The following SH3YL1 variants were observed in gnomAD, a reference collection of about 807,000 sequenced individuals.
The protein encoded by SH3YL1 is SH3 and SYLF domain containing 1, also known as SH3 domain-containing YSC84-like protein 1.
In SH3YL1, 41 loss-of-function variants were observed where a neutral mutation model predicts 45.8. The ratio of observed to expected loss-of-function variants is 0.89; its 90% CI spans 0.70 to 1.16. SH3YL1 has a LOEUF of 1.16. SH3YL1 is among the 50% of genes most tolerant of loss of function. The pLI, the probability that SH3YL1 is intolerant of heterozygous loss-of-function variation, is 0.00. For missense variants in SH3YL1, 389 were observed against 409.6 expected (o/e 0.95, Z 0.43); for synonymous variants, 152 against 151.4 (o/e 1.00, Z -0.03).
At chr2:231,972 G>C (rs1029694117) in intron 6 of SH3YL1, among the ~76,000 whole-genome samples, 1 of 152,078 alleles carries the variant, frequency 6.6e-6, no homozygotes, top group African/African-American at 2.4e-5. Context: ...CTTTGTCTCG[G>C]ATAGTGGCGG....
At position 249,837 on chromosome 2, in the gene SH3YL1, T is replaced by C. The variant is rs756418746; in HGVS notation, c.120A>G (p.Val40=). The change falls in exon 3 of 10, where the codon GTA becomes GTG. Residue 40 remains valine, a synonymous_variant. Transcript: ENST00000356150. ...NGPDKIIPAH[V]IAKAKGLAIL... is the part of the protein sequence containing the mutation. Reference sequence around the variant, plus strand: ...TTGCAAGGCCTTTAGCCTTCGCAATTACGTGAGCTGTTAACGTGGAAAACA... The same window carrying C: ...TTGCAAGGCCTTTAGCCTTCGCAATCACGTGAGCTGTTAACGTGGAAAACA... 6.4e-5 allele frequency: 99 copies of C among 1,550,766 alleles called. No homozygotes were observed. The highest frequency in any genetic ancestry group is 8.2e-5 in the African/African-American group (6 of 73,022).
chr2:259,335 G>A (rs529182771), intron 1 of SH3YL1: 42 of 152,206 alleles, frequency 2.8e-4, no homozygotes, highest in Middle Eastern at 3.4e-3. Context: ...GTTATTTACA[G>A]GGGGTTTCTC....
At chr2:221,872 CCT>C (rs1667592649) in intron 9 of SH3YL1, among the ~76,000 whole-genome samples, 1 of 152,112 alleles carries the variant, frequency 6.6e-6, no homozygotes, top group South Asian at 2.1e-4. Context: ...AGTGCTGTGC[CCT>C]GTTAGTTTTT....
At chr2:264,600 C>T (rs1262879222), upstream of SH3YL1, 2 of 106,480 alleles carry the variant, frequency 1.9e-5, no homozygotes, top group Admixed American at 1.7e-4. Context: ...AGGTGACTCC[C>T]CCCCGCCAAC....
intron 8 of SH3YL1, among the ~76,000 whole-genome samples, chr2:228,488 T>C (rs1667882725): frequency 6.6e-6 from 1 of 152,240 alleles, no homozygotes; most frequent in Non-Finnish European, 1.5e-5. Flanking sequence ...CTAGAATTTT[T>C]ATAAATGAGA....
chr2:258,956 C>T (rs1669473264), intron 1 of SH3YL1, among the ~76,000 whole-genome samples: 1 of 152,208 alleles, frequency 6.6e-6, no homozygotes, highest in South Asian at 2.1e-4. Context: ...TTGCTAGTAA[C>T]ATGCTCTGCA....
At chr2:253,262 G>C in intron 1 of SH3YL1, 147 bp from the exon 2 acceptor site, 1 of 583,860 alleles carries the variant, frequency 1.7e-6, no homozygotes, top group Non-Finnish European at 3.0e-6. Context: ...GTGAAATAAG[G>C]CTGAGACCTA....
At chr2:256,216 A>C (rs1018262958) in intron 1 of SH3YL1, 3 of 152,224 alleles carry the variant, frequency 2.0e-5, no homozygotes, top group African/African-American at 7.2e-5. Context: ...CCATGAAATT[A>C]CTGAGACTCA....
chr2:240,877 T>C (rs1053990100), intron 4 of SH3YL1: 1 of 152,112 alleles, frequency 6.6e-6, no homozygotes, highest in Non-Finnish European at 1.5e-5. Context: ...TCCAGCCATA[T>C]CTCTAAACAA....
upstream of SH3YL1, chr2:264,105 G>A (rs1036945455): frequency 9.1e-6 from 12 of 1,314,302 alleles, no homozygotes; most frequent in Admixed American, 3.9e-5. Flanking sequence ...GACGAAGGAG[G>A]CGGCGCAAAA....
intron 1 of SH3YL1, among the ~76,000 whole-genome samples, chr2:257,186 G>A (rs564671177): frequency 3.3e-5 from 5 of 152,178 alleles, no homozygotes; most frequent in East Asian, 3.9e-4. Flanking sequence ...TCTGTAGGTT[G>A]TTTTCTCTGT....
intron 4 of SH3YL1, 82 bp downstream of exon 4, chr2:247,456 G>T: frequency 8.8e-7 from 1 of 1,136,112 alleles, no homozygotes; most frequent in Non-Finnish European, 1.3e-6. Context: ...AGAACGCTAG[G>T]AAACCTCTCA....
upstream of SH3YL1, chr2:264,089 G>A (rs1669733293): frequency 2.2e-6 from 3 of 1,338,710 alleles, no homozygotes; most frequent in South Asian, 3.6e-5. Flanking sequence ...CGTACCTGCG[G>A]CAGGTGACGA....
intron 4 of SH3YL1, among the ~76,000 whole-genome samples, chr2:237,340 T>G (rs1156397029): frequency 1.3e-5 from 2 of 150,482 alleles, no homozygotes; most frequent in Non-Finnish European, 3.0e-5. Flanking sequence ...GAATATTGTG[T>G]TTTTTGGTGA....
intron 4 of SH3YL1, among the ~76,000 whole-genome samples, chr2:244,279 G>A (rs1383024805): frequency 3.3e-5 from 5 of 151,542 alleles, no homozygotes; most frequent in Non-Finnish European, 5.9e-5. Flanking sequence ...GGCGGATCAC[G>A]AGGTCAGGAG....
upstream of SH3YL1, chr2:264,262 TG>T: frequency 4.9e-6 from 2 of 411,462 alleles, no homozygotes; most frequent in East Asian, 3.9e-5. Flanking sequence ...GTGTTGGGGG[TG>T]GGGGTCTCAG....
At chr2:264,270 T>C (rs1411645994), upstream of SH3YL1, 6 of 394,144 alleles carry the variant, frequency 1.5e-5, no homozygotes, top group East Asian at 1.2e-4. Flanking sequence ...GGTGGGGGTC[T>C]CAGGGAGCGC....
intron 9 of SH3YL1, chr2:222,968 A>G (rs1667638321): frequency 6.6e-6 from 1 of 152,372 alleles, no homozygotes; most frequent in South Asian, 2.1e-4. Context: ...CGTTTAAAAA[A>G]ATTCCGTAAC....
intron 9 of SH3YL1, among the ~76,000 whole-genome samples, chr2:221,644 T>C (rs1667578657): frequency 6.6e-6 from 1 of 152,178 alleles, no homozygotes; most frequent in African/African-American, 2.4e-5. Flanking sequence ...GGATCTCACA[T>C]TTCTCCTTTA....
Sources: gnomAD v4.1 joint callset for allele counts (sites outside exome capture counted in the v4.1 genomes callset) on GRCh38, gnomAD v4.1.1 for gene constraint, MANE v1.5 for transcripts, NCBI Gene and HGNC (gene_info 2026-07-23, HGNC 2026-07-21) for gene names.